Variants in CPD observed in about 807,000 individuals in gnomAD.
The protein encoded by CPD is metallocarboxypeptidase D.
A neutral mutation model predicts 138.3 loss-of-function variants in CPD; 69 were observed. That is an observed-to-expected ratio of 0.50 (90% CI 0.41 to 0.61). CPD has a LOEUF of 0.61. CPD is among the 20% of genes least tolerant of loss of function. The probability of loss-of-function intolerance (pLI) is 0.00; values close to 1 mark genes in which losing one functional copy is unlikely to be tolerated. For missense variants in CPD, 1,432 were observed against 1,733.3 expected, an observed-to-expected ratio of 0.83 and a Z score of 3.09; for synonymous variants, 651 against 642.1, an observed-to-expected ratio of 1.01 and a Z score of -0.21.
At chr17:30,452,570 C>A in intron 14 of CPD, among the ~76,000 whole-genome samples, 1 of 148,026 alleles carries the variant, frequency 6.8e-6, no homozygotes, top group Non-Finnish European at 1.5e-5. Flanking sequence ...TGTGCCAGGC[C>A]CAACATTATT....
At chr17:30,457,132 C>T (rs1390883029) in intron 17 of CPD, among the ~76,000 whole-genome samples, 1 of 152,144 alleles carries the variant, frequency 6.6e-6, no homozygotes, top group Non-Finnish European at 1.5e-5. Flanking sequence ...CAATAACTCC[C>T]TATTCCCCTC....
intron 2 of CPD, among the ~76,000 whole-genome samples, chr17:30,391,777 C>G (rs1261919585): frequency 6.6e-6 from 1 of 152,086 alleles, no homozygotes. Flanking sequence ...TTAGGAGGCT[C>G]AAGTGAGAAT....
chr17:30,456,219 G>T (rs369335897), intron 15 of CPD, 37 bp from the exon 16 acceptor site: 17 of 1,519,342 alleles, frequency 1.1e-5, no homozygotes, highest in Non-Finnish European at 1.4e-5. Flanking sequence ...AAATCATTTG[G>T]ATTTCTCCAC....
intron 2 of CPD, among the ~76,000 whole-genome samples, chr17:30,420,037 CT>C (rs1343808749): frequency 2.6e-5 from 4 of 152,272 alleles, no homozygotes; most frequent in African/African-American, 9.6e-5. Context: ...CCTTTCTCCA[CT>C]TTTTAGTCTT....
chr17:30,389,433 G>A (rs1037093863), intron 2 of CPD, among the ~76,000 whole-genome samples: 1 of 152,152 alleles, frequency 6.6e-6, no homozygotes, highest in Non-Finnish European at 1.5e-5. Flanking sequence ...TTACATTTCA[G>A]TCCTTGGGAA....
At chr17:30,443,027 A>G (rs1199542174) in intron 10 of CPD, among the ~76,000 whole-genome samples, 1 of 152,094 alleles carries the variant, frequency 6.6e-6, no homozygotes, top group Non-Finnish European at 1.5e-5. Flanking sequence ...CTATATTTAA[A>G]GACATTTTAT....
rs1183052078 is a variant in CPD at position 30,379,755 on chromosome 17, G to T, written c.746+29G>T. 7.1e-7 allele frequency: 1 copy of T among 1,405,768 alleles called. No individual in the cohort carries two copies. Among genetic ancestry groups the T allele is most frequent in the South Asian group, 1.6e-5 (1 of 64,234 alleles). 87.1% of individuals were successfully genotyped at this position (1,405,768 alleles called of 1,614,324 possible). Reference sequence around the variant, plus strand: ...AGTGTTGCCTGCCCCCTCCCCGTCCGTGTGAGCCTCCAAGGGCCGAGGCTG... The same window carrying T: ...AGTGTTGCCTGCCCCCTCCCCGTCCTTGTGAGCCTCCAAGGGCCGAGGCTG... On this transcript the variant is annotated intron_variant, in intron 1 of 20. Coordinates refer to ENST00000225719, the MANE Select transcript of CPD (RefSeq NM_001304.5). The surrounding 1 kb of genome is among the most constrained non-coding windows in gnomAD (Gnocchi z 7.0).
Position 30,462,017 on chromosome 17 carries a change from T to C in CPD, c.3771T>C (p.His1257=). Residue 1257 remains histidine (H), a synonymous_variant, in exon 19 of 21, where the codon CAT becomes CAC. Transcript: ENST00000225719. The stretch of plus-strand genomic sequence containing the variant: ...ATGTACTCTTAGCGCCAGGTGTCCA[T>C]AACATTATTGCCATCGCTGATGGGT... The part of the protein sequence containing the change: ...YFHVLLAPGV[H]NIIAIADGYQ... 6.2e-7 allele frequency: 1 copy of C among 1,613,836 alleles called. No homozygotes were observed. Among genetic ancestry groups the C allele is most frequent in the Admixed American group, 1.7e-5 (1 of 59,970 alleles).
chr17:30,458,203 G>A (rs192703852), intron 17 of CPD, among the ~76,000 whole-genome samples: 12 of 152,048 alleles, frequency 7.9e-5, no homozygotes, highest in African/African-American at 2.7e-4. Context: ...TCAAAAAAAC[G>A]AATAAACAAA....
chr17:30,462,696 A>G (rs1303075093), intron 20 of CPD, among the ~76,000 whole-genome samples: 2 of 152,130 alleles, frequency 1.3e-5, no homozygotes, highest in Non-Finnish European at 2.9e-5. Context: ...CAGCGGTGCT[A>G]GAGAAATTAA....
intron 2 of CPD, among the ~76,000 whole-genome samples, chr17:30,417,170 T>A (rs1912132096): frequency 6.6e-6 from 1 of 152,190 alleles, no homozygotes; most frequent in South Asian, 2.1e-4. Flanking sequence ...ATTTGTTTAC[T>A]GTCTGCTTCC....
At chr17:30,405,285 C>A (rs1033974453) in intron 2 of CPD, among the ~76,000 whole-genome samples, 2 of 152,118 alleles carry the variant, frequency 1.3e-5, no homozygotes, top group East Asian at 3.8e-4. Context: ...TCATCTCATG[C>A]TCAGTAAATG....
intron 2 of CPD, among the ~76,000 whole-genome samples, chr17:30,397,235 T>C (rs1911532830): frequency 1.3e-5 from 2 of 152,218 alleles, no homozygotes; most frequent in Non-Finnish European, 2.9e-5. Context: ...CTAGTGACTA[T>C]TGTAATAATT....
Position 30,438,981 on chromosome 17 carries a change from T to G in CPD, c.2134T>G (p.Ser712Ala). ...ATTCTTTTTGTTTTTCCAGGAAAAT[T>G]CCCAGATGTTTCAAGGTAGACCTTG... ...QIALSYSKENSQMFQGRPCKN... is the reference protein window; with the variant it reads ...QIALSYSKENAQMFQGRPCKN... Residue 712 changes from serine (S) to alanine (A), a missense_variant, in exon 9 of 21, where the codon TCC (serine) becomes GCC (alanine). Around this residue, in one of 6 missense-constraint regions of CPD, gnomAD observed 297 missense variants for 405.3 expected, o/e 0.73. Coordinates refer to ENST00000225719, the MANE Select transcript of CPD (RefSeq NM_001304.5). 1 of 1,546,276 alleles carries G rather than the reference T, an allele frequency of 6.5e-7. No homozygotes were observed. The highest frequency in any genetic ancestry group is 8.7e-7 in the Non-Finnish European group (1 of 1,152,240).
At chr17:30,439,399 T>TC (rs1429032507) in intron 9 of CPD, among the ~76,000 whole-genome samples, 1 of 149,780 alleles carries the variant, frequency 6.7e-6, no homozygotes, top group Non-Finnish European at 1.5e-5. Flanking sequence ...ACTTTCTTTT[T>TC]TTTTTTTTCT....
intron 14 of CPD, among the ~76,000 whole-genome samples, chr17:30,453,700 C>T (rs113372686): frequency 6.6e-5 from 10 of 152,372 alleles, no homozygotes; most frequent in African/African-American, 2.4e-4. Context: ...CCCTTCTGCA[C>T]TGCCCTAGCA....
intron 8 of CPD, 128 bp from the exon 9 acceptor site, chr17:30,438,847 C>A: frequency 5.6e-6 from 3 of 539,102 alleles, no homozygotes; most frequent in South Asian, 2.8e-5. Flanking sequence ...TAGCCCCACC[C>A]CACTCCCACC....
intron 2 of CPD, among the ~76,000 whole-genome samples, chr17:30,386,298 G>A (rs966827982): frequency 1.3e-5 from 2 of 151,934 alleles, no homozygotes; most frequent in African/African-American, 4.8e-5. Flanking sequence ...CAAAGTGCTG[G>A]GATTATAGAT....
chr17:30,396,746 A>G (rs1361299464), intron 2 of CPD, among the ~76,000 whole-genome samples: 1 of 152,206 alleles, frequency 6.6e-6, no homozygotes, highest in East Asian at 1.9e-4. Context: ...CCTAATGGTT[A>G]CACTTTGAGT....
Sources: allele counts gnomAD v4.1 joint callset (sites outside exome capture counted in the v4.1 genomes callset), GRCh38; gene constraint gnomAD v4.1.1; regional missense constraint gnomAD v4.1.1; non-coding constraint Gnocchi (gnomAD v3.1); transcripts MANE v1.5; gene names NCBI Gene and HGNC (gene_info 2026-07-23, HGNC 2026-07-21).